Variants in RFX7 observed in about 807,000 individuals in gnomAD.
RFX7 encodes DNA-binding protein RFX7.
RFX7 carries 26 observed loss-of-function variants against 111.8 expected under a neutral mutation model. That is an observed-to-expected ratio of 0.23 (90% CI 0.17 to 0.32). The LOEUF is 0.32. Ranked by LOEUF, RFX7 falls within the 10% of genes least tolerant of loss-of-function variation. The pLI is 1.00. For synonymous variants in RFX7, 624 were observed against 624.4 expected, an observed-to-expected ratio of 1.00 and a Z score of 0.01; for missense variants, 1,573 against 1,772.9, an observed-to-expected ratio of 0.89 and a Z score of 2.02.
intron 2 of RFX7, among the ~76,000 whole-genome samples, chr15:56,179,761 A>AACACAC (rs58597217): frequency 0.022 from 2,971 of 137,294 alleles, 36 homozygotes; most frequent in African/African-American, 0.027. Context: ...TCTCTGTCTC[A>AACACAC]ACACACACAC....
chr15:56,233,595 C>T (rs913276446), intron 2 of RFX7, among the ~76,000 whole-genome samples: 1 of 151,990 alleles, frequency 6.6e-6, no homozygotes, highest in Non-Finnish European at 1.5e-5. Flanking sequence ...TGCTGCCAGA[C>T]TGATGGAAAG....
chr15:56,174,831 C>G (rs796889438), intron 3 of RFX7, among the ~76,000 whole-genome samples: 1 of 151,996 alleles, frequency 6.6e-6, no homozygotes, highest in South Asian at 2.1e-4. Context: ...CATGTTTAAC[C>G]TGATGAAGAG....
intron 2 of RFX7, among the ~76,000 whole-genome samples, chr15:56,193,843 CA>C (rs548626127): frequency 6.7e-4 from 102 of 152,102 alleles, no homozygotes; most frequent in Non-Finnish European, 1.2e-3. Context: ...CTTTCTTATC[CA>C]GGGGGGCTAC....
rs997699019 is a variant in RFX7 at position 56,090,989 on chromosome 15, T to C, written c.*2356A>G. ...ATTAGTAAACATAAAGTAAATAACC[T>C]GTGAATAACTATGCTTGCCTGGTTA... On this transcript the variant is annotated 3_prime_UTR_variant, in exon 10 of 10. Transcript: ENST00000559447. The C allele has an allele frequency of 6.6e-6, 1 of 152,290 alleles. No homozygotes were observed. Among genetic ancestry groups the C allele is most frequent in the Non-Finnish European group, 1.5e-5 (1 of 67,812 alleles). 9.4% of individuals were successfully genotyped at this position (152,290 alleles called of 1,614,324 possible). A position where few individuals can be genotyped will look rare whatever the true frequency, so the allele number is the denominator to read the frequency against.
At chr15:56,124,291 G>A (rs1302834433) in intron 5 of RFX7, among the ~76,000 whole-genome samples, 1 of 151,994 alleles carries the variant, frequency 6.6e-6, no homozygotes, top group Non-Finnish European at 1.5e-5. Flanking sequence ...GCATGGTGAC[G>A]GGCACCTGTA....
At chr15:56,204,529 T>C (rs2043231261) in intron 2 of RFX7, among the ~76,000 whole-genome samples, 2 of 152,192 alleles carry the variant, frequency 1.3e-5, no homozygotes, top group South Asian at 4.1e-4. Context: ...TGCCAGAGTA[T>C]TTGTAAGCAA....
chr15:56,233,007 TCTGC>T (rs1442671971), intron 2 of RFX7, among the ~76,000 whole-genome samples: 1 of 152,234 alleles, frequency 6.6e-6, no homozygotes, highest in Non-Finnish European at 1.5e-5. Flanking sequence ...TGTTCCAGTC[TCTGC>T]CTGTTACCCA....
chr15:56,196,905 T>G (rs1283832309), intron 2 of RFX7, among the ~76,000 whole-genome samples: 3 of 152,132 alleles, frequency 2.0e-5, no homozygotes, highest in Non-Finnish European at 2.9e-5. Flanking sequence ...GACTTTTTCT[T>G]GGACACATAC....
rs149325142 is a variant in RFX7 at position 56,236,055 on chromosome 15, C to T, written c.161+7070G>A. On this transcript the variant is annotated intron_variant, in intron 2 of 9. Coordinates refer to ENST00000559447, the MANE Select transcript of RFX7 (RefSeq NM_022841.7). The stretch of plus-strand genomic sequence containing the variant: ...GAATATCAGAATTTTTCAGTTTGTG[C>T]TCAGTTACGAGGAAATAGAAAATTT... Among the ~76,000 whole-genome samples the T allele has an allele frequency of 2.1e-3, 316 of 152,084 alleles. 2 individuals are homozygous for T. Among genetic ancestry groups the T allele is most frequent in the African/African-American group, 7.4e-3 (305 of 41,474 alleles).
intron 3 of RFX7, among the ~76,000 whole-genome samples, chr15:56,161,252 CT>C (rs1221820278): frequency 6.6e-6 from 1 of 151,996 alleles, no homozygotes; most frequent in Non-Finnish European, 1.5e-5. Flanking sequence ...TTACTGCAAC[CT>C]AAAAACAAGC....
chr15:56,194,267 A>T (rs1292697611), intron 2 of RFX7, among the ~76,000 whole-genome samples: 2 of 152,176 alleles, frequency 1.3e-5, no homozygotes, highest in Non-Finnish European at 2.9e-5. Context: ...AGAGTGACTC[A>T]CAACTCCTAT....
chr15:56,149,621 C>T (rs1311824424), intron 3 of RFX7, among the ~76,000 whole-genome samples: 2 of 152,078 alleles, frequency 1.3e-5, no homozygotes, highest in South Asian at 4.1e-4. Context: ...TTCCCCCCTA[C>T]CCAAGGGAAG....
At chr15:56,145,187 C>A (rs2042451506) in intron 3 of RFX7, among the ~76,000 whole-genome samples, 1 of 152,150 alleles carries the variant, frequency 6.6e-6, no homozygotes, top group Admixed American at 6.5e-5. Context: ...TCCTACCTTT[C>A]TTCTAAACTC....
At chr15:56,196,451 T>TA (rs1426271685) in intron 2 of RFX7, among the ~76,000 whole-genome samples, 2 of 152,048 alleles carry the variant, frequency 1.3e-5, no homozygotes, top group South Asian at 2.1e-4. Flanking sequence ...ACTCTTTTTT[T>TA]TAAAAAAATT....
At chr15:56,160,029 G>A (rs1388846221) in intron 3 of RFX7, among the ~76,000 whole-genome samples, 1 of 152,078 alleles carries the variant, frequency 6.6e-6, no homozygotes, top group Non-Finnish European at 1.5e-5. Flanking sequence ...TTCCTGTAAC[G>A]ACAATCTTCC....
chr15:56,143,079 G>A (rs1413750205), intron 4 of RFX7, among the ~76,000 whole-genome samples, 179 bp from the exon 5 acceptor site: 1 of 152,096 alleles, frequency 6.6e-6, no homozygotes, highest in African/African-American at 2.4e-5. Flanking sequence ...GCTATAGCTA[G>A]TGTAAGACTG....
At chr15:56,185,775 C>T (rs2043032179) in intron 2 of RFX7, among the ~76,000 whole-genome samples, 1 of 152,006 alleles carries the variant, frequency 6.6e-6, no homozygotes. Context: ...GTCTCCCTTT[C>T]TTTGTGTAAT....
chr15:56,233,192 G>A (rs1567055418), intron 2 of RFX7, among the ~76,000 whole-genome samples: 1 of 152,208 alleles, frequency 6.6e-6, no homozygotes, highest in Admixed American at 6.5e-5. Context: ...ATGTGGATGG[G>A]GAGGCCTCAT....
At chr15:56,148,842 G>A (rs2042523269) in intron 3 of RFX7, among the ~76,000 whole-genome samples, 1 of 152,182 alleles carries the variant, frequency 6.6e-6, no homozygotes, top group Non-Finnish European at 1.5e-5. Context: ...AGAACTTTGG[G>A]AGGCTGAGGT....
Sources: allele counts gnomAD v4.1 joint callset (sites outside exome capture counted in the v4.1 genomes callset), GRCh38; gene constraint gnomAD v4.1.1; transcripts MANE v1.5; gene names NCBI Gene and HGNC (gene_info 2026-07-23, HGNC 2026-07-21).